RBMS3: variants seen among roughly 807,000 people sequenced by gnomAD.
The protein encoded by RBMS3 is RNA binding motif single stranded interacting protein 3, also known as RNA-binding motif, single-stranded-interacting protein 3.
Under a neutral mutation model 66.8 loss-of-function variants are expected in RBMS3, and 27 were observed. That is an observed-to-expected ratio of 0.40 (90% CI 0.30 to 0.56). The LOEUF is 0.56. Among genes scored for constraint, RBMS3 ranks in the 20% least tolerant of loss-of-function variants. The probability of loss-of-function intolerance (pLI) is 0.40; values close to 1 mark genes in which losing one functional copy is unlikely to be tolerated. For synonymous variants in RBMS3, 188 were observed against 183.0 expected (o/e 1.03, Z -0.22); for missense variants, 513 against 549.5 (o/e 0.93, Z 0.66).
At chr3:29,533,620 A>G (rs2045446576) in intron 3 of RBMS3, among the ~76,000 whole-genome samples, 3 of 152,102 alleles carry the variant, frequency 2.0e-5, no homozygotes, top group Non-Finnish European at 4.4e-5. Context: ...TACTAAAAAT[A>G]TAAAAACTTA....
chr3:29,558,839 T>A (rs2046443421), intron 3 of RBMS3, among the ~76,000 whole-genome samples: 1 of 152,238 alleles, frequency 6.6e-6, no homozygotes, highest in African/African-American at 2.4e-5. Context: ...GTGATGCTGA[T>A]GTAGCTAGTA....
chr3:29,304,761 T>C (rs996693092), intron 1 of RBMS3, among the ~76,000 whole-genome samples: 2 of 151,974 alleles, frequency 1.3e-5, no homozygotes, highest in Non-Finnish European at 2.9e-5. Flanking sequence ...CTTTGTGTTA[T>C]GTGCTGTGTT....
chr3:29,771,145 C>G (rs1169178044), intron 6 of RBMS3, among the ~76,000 whole-genome samples: 4 of 151,974 alleles, frequency 2.6e-5, no homozygotes, highest in Admixed American at 2.0e-4. Context: ...TAGCTGCTTC[C>G]TCTTATTTCT....
At chr3:29,519,701 G>A (rs2044779561) in intron 3 of RBMS3, among the ~76,000 whole-genome samples, 1 of 151,994 alleles carries the variant, frequency 6.6e-6, no homozygotes, top group Non-Finnish European at 1.5e-5. Flanking sequence ...TAACATTAAG[G>A]GATAGATTTT....
At chr3:29,665,767 T>A (rs1312880525) in intron 4 of RBMS3, among the ~76,000 whole-genome samples, 2 of 152,292 alleles carry the variant, frequency 1.3e-5, no homozygotes, top group African/African-American at 2.4e-5. Context: ...AGCAAAAAAA[T>A]TAATTAATTA....
chr3:29,741,040 CAAAA>C (rs369719098), intron 5 of RBMS3, among the ~76,000 whole-genome samples: 4 of 90,892 alleles, frequency 4.4e-5, no homozygotes, highest in Non-Finnish European at 4.7e-5. Context: ...GACTCCATCT[CAAAA>C]AAAAAAAAAA....
intron 12 of RBMS3, among the ~76,000 whole-genome samples, chr3:29,970,469 T>C (rs975028754): frequency 6.6e-6 from 1 of 152,218 alleles, no homozygotes; most frequent in East Asian, 1.9e-4. Context: ...AGCTAATTCT[T>C]ACACGCCTCT....
intron 12 of RBMS3, 31 bp from the exon 13 acceptor site, chr3:29,988,112 T>G: frequency 6.5e-7 from 1 of 1,545,836 alleles, no homozygotes; most frequent in Non-Finnish European, 8.9e-7. Context: ...CAGCTCAAAG[T>G]TCACATGCAT....
chr3:29,497,602 G>A (rs2043802707), intron 3 of RBMS3, among the ~76,000 whole-genome samples: 1 of 152,042 alleles, frequency 6.6e-6, no homozygotes, highest in Admixed American at 6.6e-5. Flanking sequence ...AGTCCTCCAA[G>A]ACTCTACTCA....
intron 14 of RBMS3, among the ~76,000 whole-genome samples, chr3:30,001,809 ATTTAT>A (rs1179884093): frequency 2.7e-4 from 40 of 146,288 alleles, no homozygotes; most frequent in Admixed American, 4.1e-4. Context: ...TATTTTATTT[ATTTAT>A]TTTATTTCTA....
intron 8 of RBMS3, among the ~76,000 whole-genome samples, chr3:29,895,149 A>G (rs2060096938): frequency 6.6e-6 from 1 of 151,616 alleles, no homozygotes; most frequent in African/African-American, 2.4e-5. Context: ...GACTAAATAG[A>G]GAAACTCAAA....
At chr3:29,593,182 A>G (rs959124312) in intron 4 of RBMS3, among the ~76,000 whole-genome samples, 2 of 152,160 alleles carry the variant, frequency 1.3e-5, no homozygotes, top group Non-Finnish European at 2.9e-5. Flanking sequence ...GGAAGGGTGT[A>G]TTCAATAGAA....
intron 4 of RBMS3, among the ~76,000 whole-genome samples, chr3:29,593,000 G>T (rs1033020826): frequency 8.2e-6 from 1 of 121,254 alleles, no homozygotes; most frequent in Non-Finnish European, 1.6e-5. Flanking sequence ...ACACACTGGG[G>T]CCTGTCATGG....
At chr3:29,413,097 G>A (rs749429456) in intron 1 of RBMS3, among the ~76,000 whole-genome samples, 4 of 152,132 alleles carry the variant, frequency 2.6e-5, no homozygotes, top group East Asian at 1.9e-4. Flanking sequence ...AAAGCCAGGC[G>A]CGGTGGCTCA....
chr3:29,616,626 C>G (rs991168514), intron 4 of RBMS3: 10 of 152,330 alleles, frequency 6.6e-5, no homozygotes, highest in African/African-American at 2.4e-4. Context: ...ATTCCTTCCT[C>G]CCTGATGTGC....
chr3:29,587,291 A>G (rs1224135152), intron 4 of RBMS3, 86 bp downstream of exon 4: 2 of 722,514 alleles, frequency 2.8e-6, no homozygotes, highest in Non-Finnish European at 4.0e-6. Context: ...AGAGAGAGAG[A>G]GAGATCAGGA....
chr3:29,632,395 C>G (rs2049318171), intron 4 of RBMS3, among the ~76,000 whole-genome samples: 1 of 151,892 alleles, frequency 6.6e-6, no homozygotes, highest in African/African-American at 2.4e-5. Context: ...GTGTGTGCAA[C>G]TGAATCTGAT....
intron 3 of RBMS3, among the ~76,000 whole-genome samples, chr3:29,533,095 C>T (rs2045426332): frequency 6.6e-6 from 1 of 152,024 alleles, no homozygotes; most frequent in Non-Finnish European, 1.5e-5. Context: ...TATCATAAAC[C>T]AAACACATTT....
At chr3:29,998,153 C>T (rs974069020) in intron 14 of RBMS3, among the ~76,000 whole-genome samples, 2 of 152,160 alleles carry the variant, frequency 1.3e-5, no homozygotes, top group African/African-American at 2.4e-5. Context: ...CATGAGTGAA[C>T]TCCCATTCAC....
Sources: gnomAD v4.1 joint callset for allele counts (sites outside exome capture counted in the v4.1 genomes callset) on GRCh38, gnomAD v4.1.1 for gene constraint, MANE v1.5 for transcripts, NCBI Gene and HGNC (gene_info 2026-07-23, HGNC 2026-07-21) for gene names.